The following PCSK6 variants were observed in gnomAD, a reference collection of about 807,000 sequenced individuals.
PCSK6 encodes paired basic amino acid cleaving enzyme 4.
In PCSK6, 85 loss-of-function variants were observed where a neutral mutation model predicts 123.3. The observed-to-expected ratio is 0.69, with a 90% CI of 0.58 to 0.83. The LOEUF is 0.83. Ranked by LOEUF, PCSK6 falls within the 40% of genes least tolerant of loss-of-function variation. The pLI is 0.00. For synonymous variants in PCSK6, 508 were observed against 516.0 expected (o/e 0.98, Z 0.21); for missense variants, 1,191 against 1,282.3 (o/e 0.93, Z 1.09).
chr15:101,463,090 C>T (rs1214443954), intron 1 of PCSK6: 1 of 459,822 alleles, frequency 2.2e-6, no homozygotes, highest in Admixed American at 2.3e-5. Context: ...TTCTTCCTCA[C>T]CTTCCTAAAA....
At position 101,422,978 on chromosome 15, in the gene PCSK6, C is replaced by G. The variant is rs567167978; in HGVS notation, c.823+4914G>C. ...AGAATCCAGAGTCTCTACAATGTAA[C>G]AATATCTACCATACAATAAAAAATT... On this transcript the variant is annotated intron_variant, in intron 6 of 21. Transcript: ENST00000611716. 2.0e-5 allele frequency among the ~76,000 whole-genome samples: 3 copies of G among 152,236 alleles called. No homozygotes were observed. The South Asian group carries it at 6.2e-4, about 32-fold the overall frequency.
intron 13 of PCSK6, chr15:101,365,165 A>G: frequency 5.7e-6 from 3 of 522,032 alleles, no homozygotes; most frequent in Middle Eastern, 2.9e-4. Context: ...TCAAAGTCCT[A>G]CATGTAAGAG....
intron 6 of PCSK6, among the ~76,000 whole-genome samples, chr15:101,427,087 T>C (rs1027459640): frequency 1.3e-5 from 2 of 152,208 alleles, no homozygotes; most frequent in African/African-American, 2.4e-5. Context: ...GCTGTCACAC[T>C]GCCGGGCTCC....
At chr15:101,412,395 T>G (rs1426031967) in intron 6 of PCSK6, among the ~76,000 whole-genome samples, 2 of 152,208 alleles carry the variant, frequency 1.3e-5, no homozygotes, top group Non-Finnish European at 2.9e-5. Flanking sequence ...TTTCTTCCTC[T>G]TTTTAGGTTT....
At chr15:101,429,936 A>AC in intron 5 of PCSK6, 51 bp downstream of exon 5, 1 of 1,436,150 alleles carries the variant, frequency 7.0e-7, no homozygotes, top group East Asian at 2.3e-5. Flanking sequence ...TTCAATAGTG[A>AC]CGCTGCAGGG....
chr15:101,360,943 C>T (rs1018286807), intron 13 of PCSK6, among the ~76,000 whole-genome samples: 8 of 152,212 alleles, frequency 5.3e-5, no homozygotes, highest in East Asian at 1.9e-4. Context: ...TCTTGTTTCA[C>T]GGCCTCCTCT....
chr15:101,413,802 T>G (rs4965849), intron 6 of PCSK6, among the ~76,000 whole-genome samples: 14,111 of 152,066 alleles, frequency 0.093, 834 homozygotes, highest in Non-Finnish European at 0.13. Flanking sequence ...CACAGGTACC[T>G]CTTAAATATG....
chr15:101,485,184 C>T (rs902032614), intron 1 of PCSK6, among the ~76,000 whole-genome samples: 5 of 152,224 alleles, frequency 3.3e-5, no homozygotes, highest in Admixed American at 6.5e-5. Context: ...TAACCCCCAG[C>T]GAACTTGAGT....
At chr15:101,333,669 T>C (rs986608336) in intron 13 of PCSK6, among the ~76,000 whole-genome samples, 3 of 152,220 alleles carry the variant, frequency 2.0e-5, no homozygotes, top group African/African-American at 7.2e-5. Context: ...CAGGCCCCTC[T>C]GCCAGTACAA....
intron 13 of PCSK6, among the ~76,000 whole-genome samples, chr15:101,360,815 T>C (rs1211447104): frequency 6.6e-6 from 1 of 152,240 alleles, no homozygotes; most frequent in Non-Finnish European, 1.5e-5. Context: ...TTTACTCAAA[T>C]GTCCCTTCCC....
intron 6 of PCSK6, among the ~76,000 whole-genome samples, chr15:101,413,948 A>T (rs1281039771): frequency 1.3e-5 from 2 of 152,220 alleles, no homozygotes; most frequent in Non-Finnish European, 2.9e-5. Context: ...CAGGAGACTC[A>T]ATTCAAATAT....
intron 18 of PCSK6, among the ~76,000 whole-genome samples, chr15:101,320,053 C>A (rs2040081376): frequency 6.6e-6 from 1 of 151,592 alleles, no homozygotes; most frequent in Non-Finnish European, 1.5e-5. Flanking sequence ...TCTGACACAT[C>A]TAGTAGCGTC....
chr15:101,364,046 G>T (rs774657165), intron 13 of PCSK6, among the ~76,000 whole-genome samples: 4 of 152,130 alleles, frequency 2.6e-5, no homozygotes, highest in Admixed American at 2.0e-4. Flanking sequence ...AATTTTCCAC[G>T]TAAGGCAAGT....
chr15:101,351,275 T>C (rs1404744955), intron 13 of PCSK6, among the ~76,000 whole-genome samples: 1 of 152,268 alleles, frequency 6.6e-6, no homozygotes, highest in East Asian at 1.9e-4. Flanking sequence ...AAAGCATTAA[T>C]ACTGCAGGTA....
chr15:101,386,544 C>A (rs2042069333), intron 9 of PCSK6, among the ~76,000 whole-genome samples: 1 of 152,240 alleles, frequency 6.6e-6, no homozygotes, highest in African/African-American at 2.4e-5. Flanking sequence ...CTGGCAGGCA[C>A]CACGCTACTT....
In PCSK6 at chr15:101,455,297, C is replaced by G. The variant is rs960452951; in HGVS notation, c.298-11637G>C. On this transcript the variant is annotated intron_variant, in intron 1 of 21. Coordinates refer to ENST00000611716, the MANE Select transcript of PCSK6 (RefSeq NM_002570.5). ...GAGAGGGAGAAGGCATAGCCGACCC[C>G]AAGGCACAGCCAAGCACGGCAGTGC... Among the ~76,000 whole-genome samples the G allele has an allele frequency of 4.6e-5, 7 of 152,350 alleles. No individual in the cohort carries two copies. The East Asian group carries it at 1.2e-3, about 25-fold the overall frequency.
chr15:101,402,606 C>T (rs1208621246), intron 6 of PCSK6, among the ~76,000 whole-genome samples: 1 of 152,142 alleles, frequency 6.6e-6, no homozygotes, highest in Non-Finnish European at 1.5e-5. Context: ...AAAAAGTGGG[C>T]AAAGGATATG....
At chr15:101,437,887 G>C (rs116442295) in intron 2 of PCSK6, among the ~76,000 whole-genome samples, 161 of 152,174 alleles carry the variant, frequency 1.1e-3, no homozygotes, top group African/African-American at 3.8e-3. Context: ...ATCTTAACCC[G>C]GGGTAGCTCA....
intron 6 of PCSK6, among the ~76,000 whole-genome samples, chr15:101,412,691 T>TTTTATATATATATATATATATATATA (rs772007096): frequency 8.0e-6 from 1 of 124,744 alleles, no homozygotes; most frequent in African/African-American, 3.5e-5. Context: ...AACTGGAAAA[T>TTTTATATATATATATATATATATATA]TATATATATA....
Sources: gnomAD v4.1 joint callset for allele counts (sites outside exome capture counted in the v4.1 genomes callset) on GRCh38, gnomAD v4.1.1 for gene constraint, MANE v1.5 for transcripts, NCBI Gene and HGNC (gene_info 2026-07-23, HGNC 2026-07-21) for gene names.